Variants in FAM13A observed in about 807,000 individuals in gnomAD.
The protein encoded by FAM13A is protein FAM13A.
In FAM13A, 76 loss-of-function variants were observed where a neutral mutation model predicts 129.6. The ratio of observed to expected loss-of-function variants is 0.59; its 90% CI spans 0.49 to 0.71. FAM13A has a LOEUF of 0.71. Among genes scored for constraint, FAM13A ranks in the 30% least tolerant of loss-of-function variants. FAM13A has a pLI of 0.00. For synonymous variants in FAM13A, 443 were observed against 449.9 expected, an observed-to-expected ratio of 0.98 and a Z score of 0.20; for missense variants, 1,108 against 1,249.3, an observed-to-expected ratio of 0.89 and a Z score of 1.70.
intron 7 of FAM13A, among the ~76,000 whole-genome samples, chr4:88,834,098 G>C (rs1428774782): frequency 8.4e-6 from 1 of 118,898 alleles, no homozygotes. Flanking sequence ...TTTTTGTAGA[G>C]ATAAGGTCTC....
At chr4:88,857,403 G>A (rs12640274) in intron 6 of FAM13A, among the ~76,000 whole-genome samples, 29,752 of 151,914 alleles carry the variant, frequency 0.2, 3,438 homozygotes, top group South Asian at 0.47. Context: ...CAAGGCAGGC[G>A]GATCACTTGA....
intron 6 of FAM13A, among the ~76,000 whole-genome samples, chr4:88,853,136 A>G (rs1737902284): frequency 6.6e-6 from 1 of 152,198 alleles, no homozygotes; most frequent in Non-Finnish European, 1.5e-5. Flanking sequence ...AGCTCATAAA[A>G]TCAGGAAAGC....
At chr4:89,000,347 G>A (rs571399226) in intron 3 of FAM13A, among the ~76,000 whole-genome samples, 15 of 152,278 alleles carry the variant, frequency 9.9e-5, no homozygotes, top group Admixed American at 9.2e-4. Context: ...ACCAGCCATA[G>A]GAATGCAGTA....
intron 1 of FAM13A, among the ~76,000 whole-genome samples, chr4:89,039,245 G>C (rs1371935176): frequency 6.6e-6 from 1 of 152,088 alleles, no homozygotes; most frequent in Non-Finnish European, 1.5e-5. Context: ...ATGTCATGAG[G>C]GAAAGACTGG....
In FAM13A at chr4:88,981,576, A is replaced by G. The variant is rs116732375; in HGVS notation, c.605+9397T>C. Among the ~76,000 whole-genome samples the G allele has an allele frequency of 7.7e-3, 1,166 of 152,268 alleles. 18 individuals carry two copies. Among genetic ancestry groups the G allele is most frequent in the African/African-American group, 0.027 (1,115 of 41,526 alleles). On this transcript the variant is annotated intron_variant, in intron 4 of 23. Transcript: ENST00000264344. ...CACTAGGTACACAGTGCCTTAGAGC[A>G]GATCCTCAAGAAACCCAAAGAAAAC...
chr4:89,006,484 A>T (rs574291072), intron 3 of FAM13A, among the ~76,000 whole-genome samples: 1 of 152,210 alleles, frequency 6.6e-6, no homozygotes, highest in Admixed American at 6.5e-5. Flanking sequence ...GCTTACTCAA[A>T]CCCCTTGTGG....
chr4:88,988,203 A>C (rs1762512428), intron 4 of FAM13A, among the ~76,000 whole-genome samples: 1 of 152,234 alleles, frequency 6.6e-6, no homozygotes, highest in Non-Finnish European at 1.5e-5. Flanking sequence ...GGTTAAATAC[A>C]AACAAAACAA....
chr4:88,857,235 C>A (rs1738673791), intron 6 of FAM13A, among the ~76,000 whole-genome samples: 1 of 152,066 alleles, frequency 6.6e-6, no homozygotes, highest in Non-Finnish European at 1.5e-5. Context: ...CATCTTGATC[C>A]AAGTTTTAGA....
chr4:88,899,080 A>C (rs972322029), intron 6 of FAM13A, among the ~76,000 whole-genome samples: 1 of 151,246 alleles, frequency 6.6e-6, no homozygotes, highest in African/African-American at 2.4e-5. Flanking sequence ...GTCTGTGTGT[A>C]TGTGTGTGTA....
In FAM13A at chr4:88,856,517, A is replaced by C. The variant is rs114644359; in HGVS notation, c.844-5334T>G. On this transcript the variant is annotated intron_variant, in intron 6 of 23. Coordinates refer to ENST00000264344, the MANE Select transcript of FAM13A (RefSeq NM_014883.4). The stretch of plus-strand genomic sequence containing the variant: ...CACCTCCAAAACAAATAAACAAAAA[A>C]CCAAAAAACCCCAAAAAAACCAAAA... 4.7e-3 allele frequency among the ~76,000 whole-genome samples: 718 copies of C among 151,834 alleles called. 11 individuals are homozygous for C. Among genetic ancestry groups the C allele is most frequent in the African/African-American group, 0.016 (673 of 41,382 alleles).
intron 6 of FAM13A, among the ~76,000 whole-genome samples, chr4:88,858,649 ATATTG>A (rs1738953598): frequency 2.6e-5 from 4 of 152,220 alleles, no homozygotes. Flanking sequence ...AAAAGGACAC[ATATTG>A]TATAATTCCA....
intron 5 of FAM13A, among the ~76,000 whole-genome samples, chr4:88,915,462 C>T (rs1439124788): frequency 6.6e-6 from 1 of 152,074 alleles, no homozygotes; most frequent in African/African-American, 2.4e-5. Flanking sequence ...GAATTTTGAA[C>T]TAATTATAAT....
At chr4:88,847,952 C>CA (rs1554004314) in intron 7 of FAM13A, among the ~76,000 whole-genome samples, 643 of 136,822 alleles carry the variant, frequency 4.7e-3, no homozygotes, top group Middle Eastern at 0.022. Context: ...GACTCTGTCC[C>CA]AAAAAAAAAA....
chr4:88,988,528 T>C (rs1225470010), intron 4 of FAM13A, among the ~76,000 whole-genome samples: 1 of 152,170 alleles, frequency 6.6e-6, no homozygotes, highest in Non-Finnish European at 1.5e-5. Context: ...CAACAAAAAA[T>C]ACATATTTAC....
chr4:88,928,821 T>G (rs947922945), intron 5 of FAM13A, among the ~76,000 whole-genome samples: 1 of 152,190 alleles, frequency 6.6e-6, no homozygotes, highest in African/African-American at 2.4e-5. Context: ...AATATTTATA[T>G]GTGAGGCTTT....
chr4:88,939,623 G>C (rs549618853), intron 4 of FAM13A, among the ~76,000 whole-genome samples: 152 of 152,324 alleles, frequency 1.0e-3, no homozygotes, highest in African/African-American at 3.4e-3. Context: ...CTTGGGTGTA[G>C]ATAGAACCTG....
At chr4:88,961,347 C>CCTTTTT (rs1758576746) in intron 4 of FAM13A, among the ~76,000 whole-genome samples, 1 of 55,424 alleles carries the variant, frequency 1.8e-5, no homozygotes, top group Non-Finnish European at 3.4e-5. Context: ...TGGAATTTGC[C>CCTTTTT]TTTTTTTTTT....
intron 19 of FAM13A, among the ~76,000 whole-genome samples, chr4:88,743,064 A>C (rs1157639768): frequency 3.9e-5 from 6 of 152,222 alleles, no homozygotes. Flanking sequence ...ACATAAGTCA[A>C]ACAACATAAA....
intron 5 of FAM13A, among the ~76,000 whole-genome samples, chr4:88,930,562 C>T (rs1427388538): frequency 6.6e-6 from 1 of 152,182 alleles, no homozygotes; most frequent in African/African-American, 2.4e-5. Context: ...AGTATTTGGG[C>T]CCTGGTGGTG....
Sources: allele counts gnomAD v4.1 joint callset (sites outside exome capture counted in the v4.1 genomes callset), GRCh38; gene constraint gnomAD v4.1.1; transcripts MANE v1.5; gene names NCBI Gene and HGNC (gene_info 2026-07-23, HGNC 2026-07-21).